The following DDX10 variants were observed in gnomAD, a reference collection of about 807,000 sequenced individuals.
DDX10 encodes the protein DEAD-box helicase 10.
A neutral mutation model predicts 104.3 loss-of-function variants in DDX10; 74 were observed. The ratio of observed to expected loss-of-function variants is 0.71; its 90% CI spans 0.59 to 0.86. The LOEUF (loss-of-function observed/expected upper bound fraction) is 0.86. Among genes scored for constraint, DDX10 ranks in the 40% least tolerant of loss-of-function variants. DDX10 has a pLI of 0.00. For synonymous variants in DDX10, 351 were observed against 353.4 expected (o/e 0.99, Z 0.08); for missense variants, 952 against 1,040.0 (o/e 0.92, Z 1.16).
In DDX10 at chr11:108,723,425, T is replaced by A; in HGVS notation, c.1928T>A (p.Val643Glu). The change falls in exon 13 of 18, where the codon GTG (valine) becomes GAG (glutamate). Residue 643 changes from valine to glutamate, a missense_variant. Around this residue, in one of 3 missense-constraint regions of DDX10, gnomAD observed 533 missense variants for 534.1 expected, o/e 1.00. Transcript: ENST00000322536. ...ADFLKVKRHN[V>E]FGLDLKDEKT... ...TTCTTGAAGGTGAAGCGGCATAATG[T>A]GTTTGGATTGGACCTTAAAGACGAG... is the stretch of plus-strand genomic sequence containing the variant. The A allele has an allele frequency of 1.2e-6, 2 of 1,613,312 alleles. No individual in the cohort carries two copies. The highest frequency in any genetic ancestry group is 1.7e-4 in the Middle Eastern group (1 of 6,054).
intron 13 of DDX10, among the ~76,000 whole-genome samples, chr11:108,745,925 A>G (rs948892024): frequency 9.9e-5 from 15 of 152,144 alleles, no homozygotes; most frequent in African/African-American, 3.1e-4. Context: ...TGTAATTTCT[A>G]TCATACAATT....
chr11:108,711,044 T>A (rs561627556), intron 10 of DDX10, among the ~76,000 whole-genome samples: 3 of 152,288 alleles, frequency 2.0e-5, no homozygotes, highest in African/African-American at 7.2e-5. Context: ...GAATTACAGG[T>A]GTGAGCCATT....
intron 13 of DDX10, among the ~76,000 whole-genome samples, chr11:108,772,150 C>T (rs768135132): frequency 6.6e-6 from 1 of 152,182 alleles, no homozygotes; most frequent in Non-Finnish European, 1.5e-5. Flanking sequence ...GTAGTTGTCA[C>T]GTGGTCACAC....
At chr11:108,914,046 A>G (rs563810621) in intron 16 of DDX10, among the ~76,000 whole-genome samples, 97 of 152,324 alleles carry the variant, frequency 6.4e-4, no homozygotes, top group African/African-American at 2.3e-3. Context: ...GGATGTTGTC[A>G]ATTACAAGAG....
chr11:108,895,955 A>G (rs993463968), intron 16 of DDX10, among the ~76,000 whole-genome samples: 2 of 152,072 alleles, frequency 1.3e-5, no homozygotes, highest in Admixed American at 6.6e-5. Flanking sequence ...AGTTATATCA[A>G]CTTCCTCTTT....
At chr11:108,852,013 ATAG>A in intron 15 of DDX10, 137 bp from the exon 16 acceptor site, 1 of 649,760 alleles carries the variant, frequency 1.5e-6, no homozygotes, top group Non-Finnish European at 2.7e-6. Context: ...TGCCAATCCC[ATAG>A]TAGTAGTCAG....
chr11:108,790,625 G>A (rs1458872390), intron 13 of DDX10, among the ~76,000 whole-genome samples: 2 of 152,100 alleles, frequency 1.3e-5, no homozygotes, highest in African/African-American at 4.8e-5. Context: ...TCATTTAATG[G>A]CATCACCTTG....
chr11:108,777,466 G>A (rs539836981), intron 13 of DDX10, among the ~76,000 whole-genome samples: 3 of 152,200 alleles, frequency 2.0e-5, no homozygotes, highest in Non-Finnish European at 4.4e-5. Flanking sequence ...GGGATTACAG[G>A]CGCGTGCCAC....
intron 16 of DDX10, among the ~76,000 whole-genome samples, chr11:108,882,336 G>C (rs190218188): frequency 3.3e-5 from 5 of 152,126 alleles, no homozygotes; most frequent in Admixed American, 1.3e-4. Flanking sequence ...GATAACTCTC[G>C]ACGCCAGGGC....
intron 16 of DDX10, among the ~76,000 whole-genome samples, chr11:108,900,112 C>CA (rs111587278): frequency 0.1 from 14,179 of 142,188 alleles, 885 homozygotes; most frequent in African/African-American, 0.18. Flanking sequence ...AACTCTGTCT[C>CA]AAAAAAAAAA....
intron 13 of DDX10, among the ~76,000 whole-genome samples, chr11:108,819,370 T>A (rs1862295387): frequency 6.6e-6 from 1 of 152,146 alleles, no homozygotes; most frequent in Non-Finnish European, 1.5e-5. Context: ...CTCTTGAGGG[T>A]AATATTAGAA....
rs1864097349 is a variant in DDX10 at position 108,940,613 on chromosome 11, T to G, written c.*190T>G. 1.9e-6 allele frequency: 1 copy of G among 516,548 alleles called. No homozygotes were observed. The highest frequency in any genetic ancestry group is 3.2e-5 in the East Asian group (1 of 31,638). The allele number at this position is 516,548 out of a possible 1,614,324, so 32.0% of individuals were successfully genotyped here. On this transcript the variant is annotated 3_prime_UTR_variant, in exon 18 of 18. Transcript: ENST00000322536. ...TGCTTTGTGCCATCACTGAGCATAC[T>G]CAGATCGAGGGTGGATGATACCATT...
intron 17 of DDX10, among the ~76,000 whole-genome samples, chr11:108,927,763 G>C (rs1390355777): frequency 1.3e-5 from 2 of 151,752 alleles, no homozygotes; most frequent in African/African-American, 4.8e-5. Context: ...TCAGCCTCCC[G>C]AGTAGCTGGG....
chr11:108,711,423 C>T (rs1416954343), intron 10 of DDX10, among the ~76,000 whole-genome samples: 4 of 152,300 alleles, frequency 2.6e-5, no homozygotes, highest in South Asian at 4.1e-4. Flanking sequence ...ACCTCCACCT[C>T]CTGGGTTCAA....
intron 16 of DDX10, among the ~76,000 whole-genome samples, chr11:108,869,197 GT>G (rs58883084): frequency 4.7e-5 from 7 of 147,878 alleles, no homozygotes; most frequent in South Asian, 4.2e-4. Context: ...TAAACCCGTT[GT>G]TTTTTTTTTT....
chr11:108,847,606 A>G (rs1862736696), intron 15 of DDX10, among the ~76,000 whole-genome samples: 1 of 152,190 alleles, frequency 6.6e-6, no homozygotes, highest in Admixed American at 6.5e-5. Flanking sequence ...TAGAAAATCT[A>G]TCTTGTTTTA....
intron 15 of DDX10, among the ~76,000 whole-genome samples, chr11:108,849,735 A>G (rs1862766262): frequency 6.7e-6 from 1 of 148,422 alleles, no homozygotes; most frequent in African/African-American, 2.4e-5. Flanking sequence ...CCTCAAAAAT[A>G]AAATAGGAAA....
intron 13 of DDX10, among the ~76,000 whole-genome samples, chr11:108,834,429 T>C (rs1862518990): frequency 6.6e-6 from 1 of 152,096 alleles, no homozygotes; most frequent in Non-Finnish European, 1.5e-5. Context: ...GAGACAGAAA[T>C]TTATATACAA....
intron 16 of DDX10, among the ~76,000 whole-genome samples, chr11:108,865,112 G>T (rs1227498257): frequency 6.6e-6 from 1 of 152,176 alleles, no homozygotes; most frequent in South Asian, 2.1e-4. Flanking sequence ...CCTGTTGTGT[G>T]TTCAGCTCAG....
Sources: gnomAD v4.1 joint callset for allele counts (sites outside exome capture counted in the v4.1 genomes callset) on GRCh38, gnomAD v4.1.1 for gene constraint, gnomAD v4.1.1 regional missense constraint, MANE v1.5 for transcripts, NCBI Gene and HGNC (gene_info 2026-07-23, HGNC 2026-07-21) for gene names.